The following GPC6 variants were observed in gnomAD, a reference collection of about 807,000 sequenced individuals.
GPC6 encodes glypican-6.
A neutral mutation model predicts 55.2 loss-of-function variants in GPC6; 14 were observed. That is an observed-to-expected ratio of 0.25 (90% CI 0.17 to 0.40). The LOEUF (loss-of-function observed/expected upper bound fraction) is 0.40. Ranked by LOEUF, GPC6 falls within the 10% of genes least tolerant of loss-of-function variation. The probability of loss-of-function intolerance (pLI) is 1.00; values close to 1 mark genes in which losing one functional copy is unlikely to be tolerated. For synonymous variants in GPC6, 278 were observed against 259.6 expected (o/e 1.07, Z -0.68); for missense variants, 641 against 708.5 (o/e 0.90, Z 1.08).
chr13:93,841,299 C>G (rs980378204), intron 3 of GPC6, among the ~76,000 whole-genome samples: 25 of 152,094 alleles, frequency 1.6e-4, no homozygotes. Context: ...ATACGACATC[C>G]TAACATTTTT....
At chr13:93,876,552 A>G (rs909790409) in intron 3 of GPC6, among the ~76,000 whole-genome samples, 2 of 151,398 alleles carry the variant, frequency 1.3e-5, no homozygotes, top group African/African-American at 4.9e-5. Flanking sequence ...GAGTTTCAGA[A>G]TGAGTTAATA....
chr13:93,848,342 G>A (rs925870273), intron 3 of GPC6, among the ~76,000 whole-genome samples: 12 of 152,022 alleles, frequency 7.9e-5, no homozygotes, highest in African/African-American at 2.2e-4. Context: ...TGTAACTTTC[G>A]TTTTGTGTTG....
At chr13:93,525,451 A>G (rs72641623) in intron 1 of GPC6, among the ~76,000 whole-genome samples, 22,069 of 152,050 alleles carry the variant, frequency 0.15, 1,751 homozygotes, top group East Asian at 0.29. Flanking sequence ...CTAGGATTTT[A>G]TCTGGGAAAA....
At chr13:93,663,560 A>T (rs1178808608) in intron 2 of GPC6, among the ~76,000 whole-genome samples, 3 of 152,234 alleles carry the variant, frequency 2.0e-5, no homozygotes, top group African/African-American at 7.2e-5. Context: ...TGGATTTTAA[A>T]GTTAATCTAA....
chr13:94,169,276 C>T (rs1888478593), intron 4 of GPC6, among the ~76,000 whole-genome samples: 1 of 152,144 alleles, frequency 6.6e-6, no homozygotes, highest in Non-Finnish European at 1.5e-5. Flanking sequence ...TGAAATACCT[C>T]AGCCTTGGAA....
intron 3 of GPC6, among the ~76,000 whole-genome samples, chr13:93,944,386 A>T (rs1878896621): frequency 6.6e-6 from 1 of 151,874 alleles, no homozygotes; most frequent in Admixed American, 6.6e-5. Flanking sequence ...TTGTATTTTT[A>T]GTAGAGACGG....
intron 2 of GPC6, among the ~76,000 whole-genome samples, chr13:93,648,111 G>A (rs1351348084): frequency 2.0e-5 from 3 of 152,106 alleles, no homozygotes; most frequent in Non-Finnish European, 4.4e-5. Flanking sequence ...TCCAAAGCCA[G>A]CCCCTCCACC....
intron 6 of GPC6, among the ~76,000 whole-genome samples, chr13:94,313,643 C>T (rs979092134): frequency 6.6e-5 from 10 of 152,214 alleles, no homozygotes; most frequent in Middle Eastern, 3.4e-3. Flanking sequence ...ATTCTGACAA[C>T]GAAATAATGT....
At chr13:94,082,133 G>A (rs746853945) in intron 4 of GPC6, among the ~76,000 whole-genome samples, 19 of 151,958 alleles carry the variant, frequency 1.3e-4, no homozygotes, top group Admixed American at 5.2e-4. Flanking sequence ...GAGCCACTGC[G>A]CCCGGTCTAC....
chr13:93,494,771 C>T (rs2139362760), intron 1 of GPC6, among the ~76,000 whole-genome samples: 1 of 150,094 alleles, frequency 6.7e-6, no homozygotes, highest in African/African-American at 2.5e-5. Context: ...TTTATTTCTC[C>T]TTCACTTATG....
intron 3 of GPC6, among the ~76,000 whole-genome samples, chr13:93,952,901 G>GTATA (rs35321617): frequency 6.8e-5 from 10 of 147,056 alleles, no homozygotes; most frequent in East Asian, 2.0e-4. Context: ...ATATATACGT[G>GTATA]TATATATGTA....
At chr13:93,235,306 C>T (rs150647444) in intron 1 of GPC6, among the ~76,000 whole-genome samples, 17 of 152,104 alleles carry the variant, frequency 1.1e-4, no homozygotes, top group Non-Finnish European at 2.2e-4. Context: ...GAGGAGAGCA[C>T]AGAAAGGAAT....
chr13:93,856,104 G>A (rs1450284811), intron 3 of GPC6, among the ~76,000 whole-genome samples: 1 of 151,406 alleles, frequency 6.6e-6, no homozygotes, highest in African/African-American at 2.4e-5. Context: ...CATATGAATT[G>A]GTGAGAGAGT....
chr13:94,268,710 G>A (rs940313010), intron 4 of GPC6, among the ~76,000 whole-genome samples: 7 of 152,070 alleles, frequency 4.6e-5, no homozygotes, highest in African/African-American at 1.2e-4. Flanking sequence ...GCATAGGTAC[G>A]TAAAGAAAAT....
chr13:94,378,162 A>G (rs1285896398), intron 6 of GPC6, among the ~76,000 whole-genome samples: 2 of 152,120 alleles, frequency 1.3e-5, no homozygotes, highest in Admixed American at 6.6e-5. Context: ...TAACCTGCAC[A>G]ATGTGCACAT....
chr13:93,494,109 T>G (rs1260936405), intron 1 of GPC6, among the ~76,000 whole-genome samples: 3 of 117,046 alleles, frequency 2.6e-5, no homozygotes, highest in Non-Finnish European at 5.3e-5. Context: ...ATCTGTCTAA[T>G]GTTGACAGTG....
At chr13:93,314,549 T>C (rs868202850) in intron 1 of GPC6, among the ~76,000 whole-genome samples, 3 of 152,182 alleles carry the variant, frequency 2.0e-5, no homozygotes, top group Admixed American at 6.6e-5. Context: ...CCATGAGTTC[T>C]GTCTTTGGTA....
At chr13:93,380,227 A>C (rs1875100510) in intron 1 of GPC6, among the ~76,000 whole-genome samples, 1 of 152,186 alleles carries the variant, frequency 6.6e-6, no homozygotes, top group African/African-American at 2.4e-5. Context: ...AAGCCTAAGA[A>C]ATAGGAAAAT....
chr13:93,260,799 G>A (rs1425890996), intron 1 of GPC6, among the ~76,000 whole-genome samples: 1 of 152,072 alleles, frequency 6.6e-6, no homozygotes, highest in African/African-American at 2.4e-5. Context: ...CCAGGAATGT[G>A]CTTAGCAAAC....
Sources: gnomAD v4.1 joint callset for allele counts (sites outside exome capture counted in the v4.1 genomes callset) on GRCh38, gnomAD v4.1.1 for gene constraint, MANE v1.5 for transcripts, NCBI Gene and HGNC (gene_info 2026-07-23, HGNC 2026-07-21) for gene names.